Variants in PLEKHH2 observed in about 807,000 individuals in gnomAD.
The protein encoded by PLEKHH2 is pleckstrin homology, MyTH4 and FERM domain containing H2, also known as pleckstrin homology domain-containing family H member 2.
In PLEKHH2, 129 loss-of-function variants were observed where a neutral mutation model predicts 187.9. The observed-to-expected ratio is 0.69, with a 90% CI of 0.59 to 0.79. The LOEUF is 0.79. Ranked by LOEUF, PLEKHH2 falls within the 30% of genes least tolerant of loss-of-function variation. PLEKHH2 has a pLI of 0.00. For synonymous variants in PLEKHH2, 686 were observed against 605.6 expected, an observed-to-expected ratio of 1.13 and a Z score of -1.95; for missense variants, 2,076 against 1,751.2, an observed-to-expected ratio of 1.19 and a Z score of -3.31.
chr2:43,693,708 A>C (rs7563420), intron 4 of PLEKHH2, among the ~76,000 whole-genome samples: 1 of 136,110 alleles, frequency 7.3e-6, no homozygotes, highest in South Asian at 2.4e-4. Context: ...TGGGCGACTG[A>C]GCGAGACTCC....
At chr2:43,725,501 A>G (rs1292725142) in intron 16 of PLEKHH2, among the ~76,000 whole-genome samples, 2 of 152,108 alleles carry the variant, frequency 1.3e-5, no homozygotes, top group African/African-American at 4.8e-5. Context: ...TTGTTAGAAG[A>G]GAAGTGATTT....
chr2:43,759,343 C>T (rs527574454), intron 27 of PLEKHH2, among the ~76,000 whole-genome samples: 9 of 152,178 alleles, frequency 5.9e-5, no homozygotes, highest in Non-Finnish European at 1.2e-4. Flanking sequence ...CTCATTTGCT[C>T]ATTAGTATTT....
chr2:43,638,912 C>G (rs759712025), intron 1 of PLEKHH2, among the ~76,000 whole-genome samples: 1 of 152,030 alleles, frequency 6.6e-6, no homozygotes, highest in Non-Finnish European at 1.5e-5. Context: ...TTTATTATGA[C>G]CCATTAATAG....
chr2:43,675,506 T>C (rs752449928), intron 2 of PLEKHH2: 3 of 1,613,902 alleles, frequency 1.9e-6, no homozygotes, highest in African/African-American at 2.7e-5. Context: ...TTGAAAGTAA[T>C]AGCCATATCT....
chr2:43,755,820 G>C (rs1032108659), intron 25 of PLEKHH2, among the ~76,000 whole-genome samples: 2 of 152,166 alleles, frequency 1.3e-5, no homozygotes, highest in Non-Finnish European at 2.9e-5. Context: ...CTTCCTCCAA[G>C]AATGGTGAAT....
At chr2:43,657,624 G>A (rs534283017) in intron 2 of PLEKHH2, among the ~76,000 whole-genome samples, 1 of 152,152 alleles carries the variant, frequency 6.6e-6, no homozygotes, top group East Asian at 1.9e-4. Context: ...AGAGCACATG[G>A]GATAGGAGTT....
At position 43,718,561 on chromosome 2, in the gene PLEKHH2, C is replaced by T. The variant is rs991100148; in HGVS notation, c.2461-2108C>T. On this transcript the variant is annotated intron_variant, in intron 15 of 29. Transcript: ENST00000282406. ...TCAAAAAAAAAAAAAAATTCTAATA[C>T]AAGATTTATGTATAAAGATAGATTG... Among the ~76,000 whole-genome samples the T allele has an allele frequency of 5.9e-5, 9 of 151,718 alleles. No homozygotes were observed. The East Asian group carries it at 1.7e-3, about 29-fold the overall frequency.
Position 43,707,468 on chromosome 2 carries a change from C to G in PLEKHH2, c.1889C>G (p.Ser630Cys). 1 of 1,614,138 alleles carries G rather than the reference C, an allele frequency of 6.2e-7. No individual in the cohort carries two copies. The highest frequency in any genetic ancestry group is 2.2e-5 in the East Asian group (1 of 44,872). ...DSSGSEEEDSSRSSSRTSESD... is the reference protein window; with the variant it reads ...DSSGSEEEDSCRSSSRTSESD... ...TCTGGGTCAGAGGAAGAAGACAGCT[C>G]CAGATCCAGCTCCCGGACGTCAGAG... Residue 630 changes from serine (S) to cysteine (C), a missense_variant, in exon 11 of 30, where the codon TCC (serine) becomes TGC (cysteine). By Grantham distance (112) the Ser-to-Cys change is moderately radical. Coordinates refer to ENST00000282406, the MANE Select transcript of PLEKHH2 (RefSeq NM_172069.4).
intron 3 of PLEKHH2, 184 bp from the exon 4 acceptor site, chr2:43,692,330 T>TAAC (rs1414550064): frequency 4.3e-6 from 2 of 468,096 alleles, no homozygotes; most frequent in Admixed American, 4.0e-5. Context: ...ACCTCCAAGG[T>TAAC]AACACCACTT....
intron 27 of PLEKHH2, 85 bp downstream of exon 27, chr2:43,759,114 C>A: frequency 7.0e-7 from 1 of 1,430,314 alleles, no homozygotes; most frequent in East Asian, 2.5e-5. Context: ...GTATCCTTGG[C>A]TTTTGTAAAA....
rs978898197 is a variant in PLEKHH2 at position 43,756,944 on chromosome 2, A to C, written c.3796-175A>C. 5.3e-5 allele frequency among the ~76,000 whole-genome samples: 8 copies of C among 152,250 alleles called. No homozygotes were observed. In the East Asian group the frequency reaches 1.5e-3, roughly 29 times the overall value. The stretch of plus-strand genomic sequence containing the variant: ...GTCTCAAAAAAAAAATTATAATTCA[A>C]ATGTAATTTATAAAAATTCCTACAT... On this transcript the variant is annotated intron_variant, in intron 25 of 29. Coordinates refer to ENST00000282406, the MANE Select transcript of PLEKHH2 (RefSeq NM_172069.4).
At chr2:43,704,113 A>G (rs1669530158) in intron 9 of PLEKHH2, 57 bp downstream of exon 9, 9 of 1,194,236 alleles carry the variant, frequency 7.5e-6, no homozygotes, top group Non-Finnish European at 1.1e-5. Context: ...GTGCTAAGGG[A>G]TAGTATAATA....
At chr2:43,746,551 C>G (rs571604830) in intron 24 of PLEKHH2, among the ~76,000 whole-genome samples, 1 of 151,806 alleles carries the variant, frequency 6.6e-6, no homozygotes, top group Non-Finnish European at 1.5e-5. Context: ...CACACACACA[C>G]GCACACAATC....
chr2:43,730,189 G>A (rs1478366636), intron 18 of PLEKHH2, among the ~76,000 whole-genome samples: 1 of 152,188 alleles, frequency 6.6e-6, no homozygotes, highest in Non-Finnish European at 1.5e-5. Context: ...CAGGTGGCCT[G>A]TGGCCCCAGA....
intron 3 of PLEKHH2, among the ~76,000 whole-genome samples, chr2:43,687,169 C>T (rs1255025392): frequency 1.3e-5 from 2 of 152,176 alleles, no homozygotes; most frequent in East Asian, 3.8e-4. Flanking sequence ...TCATAGTCCT[C>T]AGTGTCTGTT....
At chr2:43,667,581 C>T (rs913672510) in intron 2 of PLEKHH2, among the ~76,000 whole-genome samples, 4 of 152,068 alleles carry the variant, frequency 2.6e-5, no homozygotes, top group East Asian at 1.9e-4. Context: ...TTGGTATATC[C>T]GTATAGTGGA....
chr2:43,731,408 T>C, intron 18 of PLEKHH2, 82 bp from the exon 19 acceptor site: 1 of 906,384 alleles, frequency 1.1e-6, no homozygotes, highest in Non-Finnish European at 1.7e-6. Context: ...CTGAATGAGC[T>C]AATGTCTAAA....
chr2:43,705,725 A>G (rs1669626066), intron 9 of PLEKHH2, among the ~76,000 whole-genome samples: 1 of 151,916 alleles, frequency 6.6e-6, no homozygotes, highest in Non-Finnish European at 1.5e-5. Context: ...AGGTTCAAGC[A>G]ATTCTTGTGC....
intron 25 of PLEKHH2, among the ~76,000 whole-genome samples, chr2:43,755,056 A>G (rs976201081): frequency 1.3e-5 from 2 of 151,944 alleles, no homozygotes; most frequent in East Asian, 3.9e-4. Context: ...TATTTTTAGT[A>G]GAGACGGGGT....
Sources: allele counts gnomAD v4.1 joint callset (sites outside exome capture counted in the v4.1 genomes callset), GRCh38; gene constraint gnomAD v4.1.1; transcripts MANE v1.5; gene names NCBI Gene and HGNC (gene_info 2026-07-23, HGNC 2026-07-21).